The following ACAT2 variants were observed in gnomAD, a reference collection of about 807,000 sequenced individuals.
The protein encoded by ACAT2 is acetyl-CoA acetyltransferase, cytosolic.
ACAT2 carries 26 observed loss-of-function variants against 37.1 expected under a neutral mutation model. The ratio of observed to expected loss-of-function variants is 0.70; its 90% CI spans 0.51 to 0.97. The LOEUF is 0.97. ACAT2 is among the 50% of genes least tolerant of loss of function. ACAT2 has a pLI of 0.00. For synonymous variants in ACAT2, 156 were observed against 163.6 expected (o/e 0.95, Z 0.35); for missense variants, 468 against 489.0 (o/e 0.96, Z 0.40).
At chr6:159,778,446 AAAAG>A (rs1780481378) in intron 8 of ACAT2, 166 bp downstream of exon 8, 7 of 679,492 alleles carry the variant, frequency 1.0e-5, no homozygotes, top group Admixed American at 3.4e-5. Flanking sequence ...AAAAAAAAAA[AAAAG>A]ACATTGGCTT....
intron 4 of ACAT2, among the ~76,000 whole-genome samples, chr6:159,770,948 C>A (rs1780326566): frequency 6.6e-6 from 1 of 152,114 alleles, no homozygotes; most frequent in African/African-American, 2.4e-5. Context: ...GCCTGTAATC[C>A]CAACTACTTG....
chr6:159,765,157 C>G (rs1780233326), intron 2 of ACAT2, among the ~76,000 whole-genome samples: 1 of 152,120 alleles, frequency 6.6e-6, no homozygotes, highest in Non-Finnish European at 1.5e-5. Flanking sequence ...ACTCTGTTGC[C>G]CAGGCTGGAG....
Position 159,778,975 on chromosome 6 carries a change from A to C in ACAT2, c.*146A>C, listed in dbSNP as rs1780503350. The C allele has an allele frequency of 6.4e-7, 1 of 1,562,844 alleles. No homozygotes were observed. The highest frequency in any genetic ancestry group is 8.7e-7 in the Non-Finnish European group (1 of 1,146,348). On this transcript the variant is annotated 3_prime_UTR_variant, in exon 9 of 9. Coordinates refer to ENST00000367048, the MANE Select transcript of ACAT2 (RefSeq NM_005891.3). ...AGTTTACAGCTTGTACTTTACTTTA[A>C]TGTGTAATACTCAACTCAAGGTACA...
rs761300493 is a variant in ACAT2, at chr6:159,778,820, G to A, written c.1185G>A (p.Gln395=). The A allele has an allele frequency of 5.0e-6, 8 of 1,614,056 alleles. No individual in the cohort carries two copies. Among genetic ancestry groups the A allele is most frequent in the Non-Finnish European group, 6.8e-6 (8 of 1,180,028 alleles). ...GGATGGGAATAGCAATGTGTGTTCA[G>A]AGAGAATGAATTGCTTAAACTTTGA... The part of the protein sequence containing the change: ...GGGMGIAMCV[Q]RE The change falls in exon 9 of 9, where the codon CAG becomes CAA. Residue 395 remains glutamine (Q), a synonymous_variant. Coordinates refer to ENST00000367048, the MANE Select transcript of ACAT2 (RefSeq NM_005891.3).
chr6:159,778,424 TAAAAAAAA>T (rs1162214335), intron 8 of ACAT2, 144 bp downstream of exon 8: 7 of 91,376 alleles, frequency 7.7e-5, no homozygotes, highest in East Asian at 3.0e-4. Context: ...TCCCAAGGTT[TAAAAAAAA>T]AAAAAAAAAA....
intron 1 of ACAT2, 83 bp downstream of exon 1, chr6:159,762,225 AG>A: frequency 6.8e-7 from 1 of 1,481,054 alleles, no homozygotes; most frequent in Non-Finnish European, 9.0e-7. Context: ...TGTGTAGGAG[AG>A]GGGCGTATGT....
At chr6:159,770,789 G>A (rs538140267) in intron 4 of ACAT2, among the ~76,000 whole-genome samples, 2 of 152,346 alleles carry the variant, frequency 1.3e-5, no homozygotes, top group South Asian at 4.1e-4. Flanking sequence ...AACAGGCCAG[G>A]CACGGTAGCT....
intron 7 of ACAT2, among the ~76,000 whole-genome samples, 165 bp from the exon 8 acceptor site, chr6:159,778,005 G>A (rs1315474177): frequency 6.6e-6 from 1 of 152,202 alleles, no homozygotes; most frequent in Non-Finnish European, 1.5e-5. Context: ...TGGAATGGAT[G>A]TCACTAAGGC....
At chr6:159,762,305 C>T (rs2114972365) in intron 1 of ACAT2, 163 bp downstream of exon 1, 2 of 1,223,268 alleles carry the variant, frequency 1.6e-6, no homozygotes, top group Non-Finnish European at 2.2e-6. Flanking sequence ...TCCCGCGTTC[C>T]CTGACCTGGT....
intron 2 of ACAT2, among the ~76,000 whole-genome samples, chr6:159,765,618 G>T (rs982063433): frequency 1.7e-4 from 26 of 149,448 alleles, no homozygotes; most frequent in Middle Eastern, 3.6e-3. Context: ...TTAGTAGAGA[G>T]GGGGGGTTTC....
chr6:159,778,369 G>T lies in ACAT2; in HGVS notation c.1023+89G>T, dbSNP rs943065420. ...TATCTTCTAGGTGTTGGCCATGTGG[G>T]TAATAGTTAAAGAAATACTAGTTAC... On this transcript the variant is annotated intron_variant, in intron 8 of 8. Transcript: ENST00000367048. 1.2e-4 allele frequency: 95 copies of T among 822,610 alleles called. No individual in the cohort carries two copies. The East Asian group carries it at 3.0e-3, about 26-fold the overall frequency. 51.0% of individuals were successfully genotyped at this position (822,610 alleles called of 1,614,324 possible).
At position 159,763,029 on chromosome 6, in the gene ACAT2, A is replaced by C; in HGVS notation, c.166A>C (p.Ile56Leu). 2 of 1,612,884 alleles carry C rather than the reference A, an allele frequency of 1.2e-6. No individual in the cohort carries two copies. Among genetic ancestry groups the C allele is most frequent in the Non-Finnish European group, 1.7e-6 (2 of 1,179,620 alleles). The change falls in exon 2 of 9, where the codon ATC (isoleucine) becomes CTC (leucine). Residue 56 changes from isoleucine (I) to leucine (L), a missense_variant. Physicochemically the swap from Ile to Leu is conservative, Grantham distance 5. Transcript: ENST00000367048. The stretch of plus-strand genomic sequence containing the variant: ...GGCTCCGGAAGATGTGTCTGAGGTC[A>C]TCTTTGGACATGTCTTGGCAGCAGG... ...TVAPEDVSEVIFGHVLAAGCG... is the reference protein window; with the variant it reads ...TVAPEDVSEVLFGHVLAAGCG...
At chr6:159,762,213 C>G in intron 1 of ACAT2, 71 bp downstream of exon 1, 1 of 1,531,500 alleles carries the variant, frequency 6.5e-7, no homozygotes, top group African/African-American at 1.4e-5. Context: ...GAGGGCCGGA[C>G]TTGTGTAGGA....
Position 159,778,254 on chromosome 6 carries a change from A to G in ACAT2, c.997A>G (p.Lys333Glu), listed in dbSNP as rs192201581. ...TGCAGCTGTCTCTGCTGCAATAGTT[A>G]AAGAACTTGGATTAAACCCAGAGAA... ...AFAAVSAAIV[K>E]ELGLNPEKVN... The change falls in exon 8 of 9, where the codon AAA becomes GAA. Residue 333 changes from lysine to glutamate, a missense_variant. By Grantham distance (56) the Lys-to-Glu change is moderately conservative. Coordinates refer to ENST00000367048, the MANE Select transcript of ACAT2 (RefSeq NM_005891.3). 1.9e-5 allele frequency: 30 copies of G among 1,611,068 alleles called. No individual in the cohort carries two copies. The Admixed American group carries it at 3.8e-4, about 21-fold the overall frequency.
rs1780506776 is a variant in ACAT2, at chr6:159,779,062, C to T, written c.*233C>T. On this transcript the variant is annotated 3_prime_UTR_variant, in exon 9 of 9. Coordinates refer to ENST00000367048, the MANE Select transcript of ACAT2 (RefSeq NM_005891.3). Reference sequence around the variant, plus strand: ...ACATCAGATCAATCATTAAGGGCTCCAGAGTGAACAGCATCTTCATAACTT... The same window carrying T: ...ACATCAGATCAATCATTAAGGGCTCTAGAGTGAACAGCATCTTCATAACTT... The T allele has an allele frequency of 1.2e-6, 2 of 1,613,750 alleles. No homozygotes were observed. The highest frequency in any genetic ancestry group is 1.7e-6 in the Non-Finnish European group (2 of 1,179,808).
intron 6 of ACAT2, among the ~76,000 whole-genome samples, chr6:159,776,801 CTTTT>C (rs1780424088): frequency 1.3e-5 from 2 of 150,844 alleles, no homozygotes; most frequent in Non-Finnish European, 3.0e-5. Flanking sequence ...CTTTTTTTTT[CTTTT>C]TGAGACGGAG....
In ACAT2 at chr6:159,763,070, C is replaced by G; in HGVS notation, c.190+17C>G. ...TGGCAGCAGGTAAGTCTCAGTGATT[C>G]CAGGAGAAGTCAGGCTTATTAGAAA... On this transcript the variant is annotated intron_variant, in intron 2 of 8. Coordinates refer to ENST00000367048, the MANE Select transcript of ACAT2 (RefSeq NM_005891.3). The G allele has an allele frequency of 6.2e-7, 1 of 1,603,152 alleles. No homozygotes were observed. Among genetic ancestry groups the G allele is most frequent in the African/African-American group, 1.3e-5 (1 of 74,528 alleles).
rs1159348058 is a variant in ACAT2 at position 159,762,139 on chromosome 6, A to C, written c.52A>C (p.Ile18Leu). ...CATCGTCTCGGCGGCGCGGACCATC[A>C]TAGGTGAGTGGCCGGCGGGAGCCGC... is the stretch of plus-strand genomic sequence containing the variant. ...VVIVSAARTIIGSFNGALAAV... is the reference protein window; with the variant it reads ...VVIVSAARTILGSFNGALAAV... Residue 18 changes from isoleucine to leucine, a missense_variant, in exon 1 of 9, where the codon ATA (isoleucine) becomes CTA (leucine). Transcript: ENST00000367048. The C allele has an allele frequency of 6.2e-7, 1 of 1,611,766 alleles. No homozygotes were observed. The highest frequency in any genetic ancestry group is 8.5e-7 in the Non-Finnish European group (1 of 1,179,058).
At chr6:159,762,524 G>A in intron 1 of ACAT2, 1 of 1,302,308 alleles carries the variant, frequency 7.7e-7, no homozygotes, top group South Asian at 1.5e-5. Flanking sequence ...GTCTGAGCCC[G>A]GCTTTGGGCT....
Sources: gnomAD v4.1 joint callset for allele counts (sites outside exome capture counted in the v4.1 genomes callset) on GRCh38, gnomAD v4.1.1 for gene constraint, MANE v1.5 for transcripts, NCBI Gene and HGNC (gene_info 2026-07-23, HGNC 2026-07-21) for gene names.